Variants in C1orf21 observed in about 807,000 individuals in gnomAD.
The protein encoded by C1orf21 is chromosome 1 open reading frame 21, also known as uncharacterized protein C1orf21.
A neutral mutation model predicts 18.7 loss-of-function variants in C1orf21; 3 were observed. The observed-to-expected ratio is 0.16, with a 90% CI of 0.07 to 0.42. The LOEUF is 0.42. C1orf21 is among the 10% of genes least tolerant of loss of function. The pLI is 0.99. For missense variants in C1orf21, 104 were observed against 143.6 expected (o/e 0.72, Z 1.41); for synonymous variants, 41 against 46.4 (o/e 0.88, Z 0.47).
intron 2 of C1orf21, among the ~76,000 whole-genome samples, chr1:184,496,941 A>G (rs1322633427): frequency 6.6e-6 from 1 of 152,174 alleles, no homozygotes; most frequent in African/African-American, 2.4e-5. Flanking sequence ...AAGGTGTCTT[A>G]CTCTACGTTT....
intron 1 of C1orf21, among the ~76,000 whole-genome samples, chr1:184,391,062 A>G (rs893803475): frequency 3.9e-5 from 6 of 152,200 alleles, no homozygotes; most frequent in Non-Finnish European, 8.8e-5. Context: ...CATATTTTTT[A>G]AAGTAGGCAA....
intron 1 of C1orf21, among the ~76,000 whole-genome samples, chr1:184,426,525 CT>C (rs1656639719): frequency 6.6e-6 from 1 of 152,158 alleles, no homozygotes; most frequent in South Asian, 2.1e-4. Flanking sequence ...TTTCAGTTCT[CT>C]GAATGCCTGC....
At chr1:184,415,038 C>CT (rs1248823296) in intron 1 of C1orf21, among the ~76,000 whole-genome samples, 1 of 152,180 alleles carries the variant, frequency 6.6e-6, no homozygotes, top group Non-Finnish European at 1.5e-5. Context: ...TTTTGGGCTG[C>CT]TATCTTCTTG....
intron 1 of C1orf21, among the ~76,000 whole-genome samples, chr1:184,417,509 G>T (rs990542564): frequency 1.3e-5 from 2 of 152,158 alleles, no homozygotes; most frequent in African/African-American, 4.8e-5. Flanking sequence ...TTTAGGTTTG[G>T]TATCTTATTT....
intron 3 of C1orf21, among the ~76,000 whole-genome samples, chr1:184,569,190 A>T (rs1659075929): frequency 6.6e-6 from 1 of 152,176 alleles, no homozygotes; most frequent in Non-Finnish European, 1.5e-5. Flanking sequence ...GGAGTGTACC[A>T]TGCTACCTTG....
At chr1:184,531,241 C>A (rs532247116) in intron 3 of C1orf21, among the ~76,000 whole-genome samples, 2 of 152,252 alleles carry the variant, frequency 1.3e-5, no homozygotes, top group African/African-American at 4.8e-5. Context: ...TCTGGAAAAT[C>A]GACTGTCTTT....
intron 2 of C1orf21, among the ~76,000 whole-genome samples, chr1:184,494,412 G>A (rs1469890935): frequency 1.3e-5 from 2 of 152,102 alleles, no homozygotes; most frequent in Non-Finnish European, 2.9e-5. Flanking sequence ...GGAGTGATGA[G>A]GTCTGACTGC....
intron 5 of C1orf21, among the ~76,000 whole-genome samples, chr1:184,602,277 G>A (rs1384870983): frequency 6.6e-6 from 1 of 152,138 alleles, no homozygotes. Flanking sequence ...CTGGTGGTGG[G>A]AGGCCACAAC....
At chr1:184,587,742 A>G (rs4650669) in intron 3 of C1orf21, among the ~76,000 whole-genome samples, 10,679 of 150,314 alleles carry the variant, frequency 0.071, 468 homozygotes, top group Non-Finnish European at 0.087. Context: ...TAGCCCCCCA[A>G]GTAGCTGGGA....
chr1:184,567,464 G>T lies in C1orf21; in HGVS notation c.190-23275G>T, dbSNP rs1422197302. 5 of 541,108 alleles carry T rather than the reference G, an allele frequency of 9.2e-6. No homozygotes were observed. The African/African-American group carries it at 9.6e-5, about 10-fold the overall frequency. 33.5% of individuals were successfully genotyped at this position (541,108 alleles called of 1,614,324 possible). On this transcript the variant is annotated intron_variant, in intron 3 of 5. Coordinates refer to ENST00000235307, the MANE Select transcript of C1orf21 (RefSeq NM_030806.4). ...TGCCTTTTTCCAGATTAACACTGCT[G>T]GTGCAGAGATGCTGTATTGGATTGT...
intron 5 of C1orf21, among the ~76,000 whole-genome samples, chr1:184,612,541 C>T (rs1659752868): frequency 6.6e-6 from 1 of 152,180 alleles, no homozygotes; most frequent in Non-Finnish European, 1.5e-5. Flanking sequence ...GCCTGGCCAA[C>T]ATGATGAAAC....
chr1:184,406,253 A>G (rs1656247321), intron 1 of C1orf21, among the ~76,000 whole-genome samples: 1 of 152,220 alleles, frequency 6.6e-6, no homozygotes, highest in Admixed American at 6.5e-5. Flanking sequence ...TAGAAATGAA[A>G]TGCATGTAAA....
chr1:184,502,588 T>C (rs368964692), intron 2 of C1orf21, among the ~76,000 whole-genome samples: 3 of 152,168 alleles, frequency 2.0e-5, no homozygotes, highest in African/African-American at 7.2e-5. Flanking sequence ...AAAAGGCATA[T>C]GAGAATTGCT....
chr1:184,427,085 T>C (rs1343220416), intron 1 of C1orf21, among the ~76,000 whole-genome samples: 1 of 152,162 alleles, frequency 6.6e-6, no homozygotes, highest in Non-Finnish European at 1.5e-5. Flanking sequence ...TTTTACCATT[T>C]TATTCACCAG....
At chr1:184,393,038 A>G (rs1443295874) in intron 1 of C1orf21, among the ~76,000 whole-genome samples, 2 of 151,824 alleles carry the variant, frequency 1.3e-5, no homozygotes, top group Non-Finnish European at 2.9e-5. Flanking sequence ...CATGTCGCCC[A>G]GGCTGGTCTG....
intron 3 of C1orf21, among the ~76,000 whole-genome samples, chr1:184,526,243 C>T (rs2101971234): frequency 6.6e-6 from 1 of 152,246 alleles, no homozygotes; most frequent in East Asian, 1.9e-4. Flanking sequence ...AATTTTTCTT[C>T]ATGATTCAAT....
chr1:184,521,420 C>CCAG (rs1170909008), intron 3 of C1orf21, among the ~76,000 whole-genome samples: 4 of 152,004 alleles, frequency 2.6e-5, no homozygotes, highest in African/African-American at 9.7e-5. Flanking sequence ...TGTAGTACAT[C>CCAG]CAGACAATGG....
chr1:184,434,940 G>T (rs1656835651), intron 1 of C1orf21, among the ~76,000 whole-genome samples: 1 of 152,178 alleles, frequency 6.6e-6, no homozygotes, highest in Admixed American at 6.5e-5. Flanking sequence ...GGGATAATTT[G>T]ATTTAAGCTT....
intron 1 of C1orf21, among the ~76,000 whole-genome samples, chr1:184,445,824 A>G (rs758382796): frequency 1.3e-5 from 2 of 152,196 alleles, no homozygotes; most frequent in Non-Finnish European, 2.9e-5. Flanking sequence ...ATAATGGTGA[A>G]GATTAATTAA....
Sources: gnomAD v4.1 joint callset for allele counts (sites outside exome capture counted in the v4.1 genomes callset) on GRCh38, gnomAD v4.1.1 for gene constraint, MANE v1.5 for transcripts, NCBI Gene and HGNC (gene_info 2026-07-23, HGNC 2026-07-21) for gene names.